Variants in FAM153A observed in about 807,000 individuals in gnomAD.
FAM153A encodes protein FAM153A.
FAM153A carries 12 observed loss-of-function variants against 48.1 expected under a neutral mutation model. The ratio of observed to expected loss-of-function variants is 0.25; its 90% CI spans 0.16 to 0.40. The LOEUF is 0.40. Ranked by LOEUF, FAM153A falls within the 10% of genes least tolerant of loss-of-function variation. FAM153A has a pLI of 1.00. For missense variants in FAM153A, 111 were observed against 345.8 expected, an observed-to-expected ratio of 0.32 and a Z score of 5.38; for synonymous variants, 36 against 118.2, an observed-to-expected ratio of 0.30 and a Z score of 4.51.
intron 16 of FAM153A, among the ~76,000 whole-genome samples, chr5:177,730,184 G>A (rs1264051496): frequency 9.0e-6 from 1 of 110,778 alleles, no homozygotes; most frequent in East Asian, 3.2e-4. Context: ...TGCTCCTCAT[G>A]CTCACACTGA....
At chr5:177,781,403 G>A (rs1365781006), upstream of FAM153A, among the ~76,000 whole-genome samples, 4 of 139,014 alleles carry the variant, frequency 2.9e-5, no homozygotes, top group African/African-American at 1.1e-4. Flanking sequence ...TTACAGGCCT[G>A]AGCCACCGCG....
exon 27 of FAM153A, chr5:177,711,142 A>T (rs1325391661): frequency 6.6e-6 from 1 of 151,940 alleles, no homozygotes; most frequent in Admixed American, 6.6e-5. Context: ...ATAACTAAAG[A>T]CATATACAAT....
At chr5:177,743,862 C>T (rs372819677) in intron 6 of FAM153A, among the ~76,000 whole-genome samples, 103 of 12,502 alleles carry the variant, frequency 8.2e-3, no homozygotes, top group Middle Eastern at 0.062. Flanking sequence ...AAAATAAAAT[C>T]AGCAGAGATT....
At chr5:177,706,194 TTTG>T (rs1291517590), downstream of FAM153A, among the ~76,000 whole-genome samples, 139 of 151,626 alleles carry the variant, frequency 9.2e-4, 1 homozygote, top group African/African-American at 3.0e-3. Flanking sequence ...ATATGTTTTT[TTTG>T]TTGTTGTTGT....
At chr5:177,754,935 CT>C (rs1389382822), upstream of FAM153A, among the ~76,000 whole-genome samples, 1 of 151,886 alleles carries the variant, frequency 6.6e-6, no homozygotes. Flanking sequence ...AGTGCCTCTC[CT>C]CCTCCAAAGG....
Position 177,769,717 on chromosome 5 carries a change from T to C in FAM153A, c.-57+10732A>G, listed in dbSNP as rs554379824. ...GCTGGGTGGTTTCCTTAGTTGTAGC[T>C]ATATACTCTGCCCTACGTATAACAA... On this transcript the variant is annotated intron_variant, in intron 1 of 8. Transcript: ENST00000393518. 3.5e-4 allele frequency among the ~76,000 whole-genome samples: 33 copies of C among 95,346 alleles called. 11 individuals are homozygous for C. The East Asian group carries it at 1.0e-2, about 29-fold the overall frequency. 62.6% of individuals were successfully genotyped at this position (95,346 alleles called of 152,430 possible).
chr5:177,737,286 T>A (rs564498067), intron 10 of FAM153A, among the ~76,000 whole-genome samples, 174 bp from the exon 13 acceptor site: 1 of 151,700 alleles, frequency 6.6e-6, no homozygotes, highest in African/African-American at 2.4e-5. Flanking sequence ...AAGGAAGGCA[T>A]CAGGAAGGCC....
intron 1 of FAM153A, among the ~76,000 whole-genome samples, chr5:177,759,432 G>C (rs752937329): frequency 1.3e-5 from 2 of 151,746 alleles, no homozygotes; most frequent in Non-Finnish European, 1.5e-5. Context: ...TCTAGAACTA[G>C]AAATACCATT....
At chr5:177,776,564 A>G (rs1769330715) in intron 1 of FAM153A, among the ~76,000 whole-genome samples, 1 of 83,776 alleles carries the variant, frequency 1.2e-5, no homozygotes, top group East Asian at 3.7e-4. Context: ...AGGGATGTGA[A>G]GGACCTCTTC....
At chr5:177,746,473 G>A (rs1259981194) in intron 4 of FAM153A, among the ~76,000 whole-genome samples, 3 of 149,980 alleles carry the variant, frequency 2.0e-5, no homozygotes, top group African/African-American at 7.5e-5. Flanking sequence ...CATTTTGTAC[G>A]AGGTAAAAAG....
chr5:177,738,656 A>G (rs1765066382), intron 10 of FAM153A, among the ~76,000 whole-genome samples: 2 of 151,130 alleles, frequency 1.3e-5, no homozygotes, highest in Admixed American at 6.6e-5. Flanking sequence ...TCTCTGCACT[A>G]TCTCCAGCTG....
chr5:177,753,623 C>T (rs932541344), upstream of FAM153A, among the ~76,000 whole-genome samples: 2 of 149,912 alleles, frequency 1.3e-5, no homozygotes, highest in Non-Finnish European at 2.9e-5. Flanking sequence ...TTCTACTATT[C>T]CTGAGTCACC....
upstream of FAM153A, among the ~76,000 whole-genome samples, chr5:177,755,608 G>A (rs1209018157): frequency 6.6e-6 from 1 of 151,820 alleles, no homozygotes; most frequent in East Asian, 1.9e-4. Flanking sequence ...ACCCACAAAG[G>A]GAAGCCCATC....
chr5:177,709,423 G>A (rs1306734441), downstream of FAM153A, among the ~76,000 whole-genome samples: 4 of 147,272 alleles, frequency 2.7e-5, no homozygotes, highest in South Asian at 4.3e-4. Flanking sequence ...GTGCAATGGC[G>A]CGATCTCGGC....
At chr5:177,757,676 C>T (rs772366815), upstream of FAM153A, among the ~76,000 whole-genome samples, 7,148 of 146,652 alleles carry the variant, frequency 0.049, 7 homozygotes, top group Middle Eastern at 0.083. Context: ...GTTCAACATA[C>T]GCAAATCAAT....
chr5:177,716,821 C>T (rs1018438622), intron 24 of FAM153A, among the ~76,000 whole-genome samples: 1 of 151,754 alleles, frequency 6.6e-6, no homozygotes, highest in African/African-American at 2.4e-5. Context: ...TTTTGTGAGA[C>T]AGGGTCTTGC....
At chr5:177,738,552 C>T (rs1262668139) in intron 10 of FAM153A, among the ~76,000 whole-genome samples, 1 of 151,360 alleles carries the variant, frequency 6.6e-6, no homozygotes, top group Admixed American at 6.6e-5. Context: ...CATGTGATTA[C>T]TTCAGAGTAG....
chr5:177,781,941 G>C (rs1175504170), upstream of FAM153A, among the ~76,000 whole-genome samples: 1 of 88,958 alleles, frequency 1.1e-5, no homozygotes, highest in African/African-American at 4.1e-5. Flanking sequence ...GTGTTAGCCA[G>C]GATGGTCTCG....
downstream of FAM153A, among the ~76,000 whole-genome samples, chr5:177,703,383 C>T (rs1341775572): frequency 6.6e-6 from 1 of 151,778 alleles, no homozygotes; most frequent in Non-Finnish European, 1.5e-5. Context: ...TACCTAATTC[C>T]TATACCTCAA....
Sources: gnomAD v4.1 joint callset for allele counts (sites outside exome capture counted in the v4.1 genomes callset) on GRCh38, gnomAD v4.1.1 for gene constraint, MANE v1.5 for transcripts, NCBI Gene and HGNC (gene_info 2026-07-23, HGNC 2026-07-21) for gene names.